NRXN3: variants seen among roughly 807,000 people sequenced by gnomAD.
NRXN3 encodes the protein neurexin 3, also known as neurexin III.
In NRXN3, 32 loss-of-function variants were observed where a neutral mutation model predicts 137.6. The observed-to-expected ratio is 0.23, with a 90% CI of 0.18 to 0.31. The LOEUF (loss-of-function observed/expected upper bound fraction) is 0.31, where lower values mean the gene tolerates loss of function less well. NRXN3 is among the 10% of genes least tolerant of loss of function. The probability of loss-of-function intolerance (pLI) is 1.00; values close to 1 mark genes in which losing one functional copy is unlikely to be tolerated. For missense variants in NRXN3, 1,574 were observed against 2,062.5 expected (o/e 0.76, Z 4.59); for synonymous variants, 798 against 784.5 (o/e 1.02, Z -0.29).
At chr14:78,760,630 C>A (rs376171022) in intron 8 of NRXN3, among the ~76,000 whole-genome samples, 5 of 151,454 alleles carry the variant, frequency 3.3e-5, no homozygotes, top group African/African-American at 1.2e-4. Flanking sequence ...AGAGTTTAGA[C>A]TTTTTGTTTA....
intron 19 of NRXN3, among the ~76,000 whole-genome samples, chr14:79,766,855 G>A (rs1418339234): frequency 6.6e-6 from 1 of 152,196 alleles, no homozygotes; most frequent in Non-Finnish European, 1.5e-5. Context: ...GAATATAGTG[G>A]TGAACCTACA....
intron 4 of NRXN3, among the ~76,000 whole-genome samples, chr14:78,505,135 A>G (rs1177764635): frequency 6.6e-6 from 1 of 152,112 alleles, no homozygotes; most frequent in South Asian, 2.1e-4. Context: ...AGAATGATGC[A>G]TTGATTTCCT....
At chr14:78,991,493 G>A (rs1487318510) in intron 15 of NRXN3, among the ~76,000 whole-genome samples, 2 of 152,176 alleles carry the variant, frequency 1.3e-5, no homozygotes, top group African/African-American at 4.8e-5. Flanking sequence ...AAATGGTTAT[G>A]GATATCTCAT....
chr14:78,975,955 C>T (rs565507010), intron 14 of NRXN3, among the ~76,000 whole-genome samples: 19 of 152,110 alleles, frequency 1.2e-4, no homozygotes, highest in Middle Eastern at 3.4e-3. Context: ...CTGTGATCCA[C>T]GGGAGGGAGG....
intron 6 of NRXN3, among the ~76,000 whole-genome samples, chr14:78,678,502 C>T (rs2098035376): frequency 6.6e-6 from 1 of 151,992 alleles, no homozygotes; most frequent in Non-Finnish European, 1.5e-5. Context: ...GTACATATAC[C>T]TAGAAGTGCA....
At chr14:78,911,285 CCAGGCCTTCAGATATCAT>C (rs1469557219) in intron 10 of NRXN3, among the ~76,000 whole-genome samples, 1 of 152,086 alleles carries the variant, frequency 6.6e-6, no homozygotes, top group Non-Finnish European at 1.5e-5. Flanking sequence ...GGATTTGAAC[CCAGGCCTTCAGATATCAT>C]CAACTGAATA....
intron 19 of NRXN3, among the ~76,000 whole-genome samples, chr14:79,773,776 A>T (rs2099087493): frequency 6.6e-6 from 1 of 151,308 alleles, no homozygotes; most frequent in Non-Finnish European, 1.5e-5. Flanking sequence ...CTTAGAGTAT[A>T]ATAATGATAA....
At chr14:79,561,372 A>G (rs909485169) in intron 16 of NRXN3, among the ~76,000 whole-genome samples, 2 of 152,198 alleles carry the variant, frequency 1.3e-5, no homozygotes, top group African/African-American at 4.8e-5. Context: ...ATCATGCAGT[A>G]ATGGTGAACA....
chr14:79,215,642 A>G (rs1374470716), intron 15 of NRXN3, among the ~76,000 whole-genome samples: 3 of 152,172 alleles, frequency 2.0e-5, no homozygotes, highest in Non-Finnish European at 4.4e-5. Context: ...CCATGAGAAC[A>G]GTATGGGGGA....
chr14:79,702,898 C>CACTAAAGTGTA (rs6145407), intron 19 of NRXN3, among the ~76,000 whole-genome samples: 1 of 149,540 alleles, frequency 6.7e-6, no homozygotes, highest in African/African-American at 2.5e-5. Flanking sequence ...AGTCTTTTAC[C>CACTAAAGTGTA]TTATGTCTCC....
chr14:78,734,182 CCAAA>C (rs1231935873), intron 8 of NRXN3, among the ~76,000 whole-genome samples: 1 of 141,870 alleles, frequency 7.0e-6, no homozygotes, highest in East Asian at 2.2e-4. Flanking sequence ...TTTAAAAGAG[CCAAA>C]CACACGTATC....
chr14:78,793,191 T>C (rs2098810745), intron 8 of NRXN3, among the ~76,000 whole-genome samples: 1 of 152,014 alleles, frequency 6.6e-6, no homozygotes, highest in South Asian at 2.1e-4. Context: ...ACAACCTGGG[T>C]AAACTAACTT....
chr14:78,532,388 TG>T (rs2096479697), intron 4 of NRXN3, among the ~76,000 whole-genome samples: 2 of 139,974 alleles, frequency 1.4e-5, no homozygotes, highest in African/African-American at 6.3e-5. Flanking sequence ...TGTGTGTGTG[TG>T]TGTGTGTGTG....
intron 15 of NRXN3, among the ~76,000 whole-genome samples, chr14:79,040,412 A>G (rs1433168784): frequency 6.6e-6 from 1 of 152,240 alleles, no homozygotes. Flanking sequence ...CTACAAAGAA[A>G]AAGATGGGTG....
intron 20 of NRXN3, among the ~76,000 whole-genome samples, chr14:79,819,387 A>G (rs571995457): frequency 6.6e-6 from 1 of 151,494 alleles, no homozygotes; most frequent in African/African-American, 2.4e-5. Flanking sequence ...TTTAATAGAT[A>G]AGACCTTCTT....
At chr14:79,170,513 G>T (rs1426895299) in intron 15 of NRXN3, among the ~76,000 whole-genome samples, 4 of 152,064 alleles carry the variant, frequency 2.6e-5, no homozygotes, top group African/African-American at 9.7e-5. Flanking sequence ...TGGAGGTGTT[G>T]GAGTTTGAAC....
intron 15 of NRXN3, among the ~76,000 whole-genome samples, chr14:79,021,861 T>A (rs998427336): frequency 1.3e-5 from 2 of 152,310 alleles, no homozygotes; most frequent in Admixed American, 1.3e-4. Context: ...GGTGACATCA[T>A]CTGCCAGGCT....
At chr14:79,588,583 G>C (rs576682713) in intron 16 of NRXN3, among the ~76,000 whole-genome samples, 5 of 152,294 alleles carry the variant, frequency 3.3e-5, no homozygotes, top group African/African-American at 1.2e-4. Context: ...GGGACTTACA[G>C]TAATAGAATT....
intron 15 of NRXN3, among the ~76,000 whole-genome samples, chr14:79,345,038 A>C (rs60780635): frequency 6.6e-6 from 1 of 152,324 alleles, no homozygotes; most frequent in East Asian, 1.9e-4. Context: ...TCTTTCTAAC[A>C]TATGTCCTCT....
Sources: allele counts gnomAD v4.1 joint callset (sites outside exome capture counted in the v4.1 genomes callset), GRCh38; gene constraint gnomAD v4.1.1; transcripts MANE v1.5; gene names NCBI Gene and HGNC (gene_info 2026-07-23, HGNC 2026-07-21).